The following GPC5 variants were observed in gnomAD, a reference collection of about 807,000 sequenced individuals.
GPC5 encodes the protein glypican-5.
Under a neutral mutation model 53.9 loss-of-function variants are expected in GPC5, and 47 were observed. The observed-to-expected ratio is 0.87, with a 90% confidence interval of 0.69 to 1.11. GPC5 has a LOEUF of 1.11. Among genes scored for constraint, GPC5 ranks in the 50% most tolerant of loss-of-function variants. The pLI is 0.00. For missense variants in GPC5, 748 were observed against 713.1 expected, an observed-to-expected ratio of 1.05 and a Z score of -0.56; for synonymous variants, 286 against 263.3, an observed-to-expected ratio of 1.09 and a Z score of -0.84.
chr13:92,120,639 A>G (rs1202739920), intron 6 of GPC5, among the ~76,000 whole-genome samples: 1 of 152,232 alleles, frequency 6.6e-6, no homozygotes, highest in Non-Finnish European at 1.5e-5. Context: ...TGATCTGTTT[A>G]GTATATCATT....
chr13:91,826,824 T>C (rs541837261), intron 5 of GPC5, among the ~76,000 whole-genome samples: 3 of 152,164 alleles, frequency 2.0e-5, no homozygotes, highest in Admixed American at 2.0e-4. Flanking sequence ...AGTGTTTGTG[T>C]GTGTATGTAT....
At chr13:91,520,517 A>G (rs184663684) in intron 2 of GPC5, among the ~76,000 whole-genome samples, 1 of 152,282 alleles carries the variant, frequency 6.6e-6, no homozygotes, top group East Asian at 1.9e-4. Context: ...TTCTGTCACT[A>G]TACTGCCTTC....
chr13:92,172,589 T>G (rs1422985962), intron 7 of GPC5, among the ~76,000 whole-genome samples: 1 of 152,210 alleles, frequency 6.6e-6, no homozygotes, highest in South Asian at 2.1e-4. Context: ...CAAGTGCTCA[T>G]AGTCACAATA....
chr13:91,450,113 C>G lies in GPC5; in HGVS notation c.325+1191C>G, dbSNP rs149848785. On this transcript the variant is annotated intron_variant, in intron 2 of 7. Transcript: ENST00000377067. Reference sequence around the variant, plus strand: ...ATAAAATTTAAGTTAAAGTGTAGTTCATGATGAATTAATGCTTTTTTGTAG... The same window carrying G: ...ATAAAATTTAAGTTAAAGTGTAGTTGATGATGAATTAATGCTTTTTTGTAG... Among the ~76,000 whole-genome samples, 364 of 152,170 alleles carry G rather than the reference C, an allele frequency of 2.4e-3. 1 individual carries two copies. Among genetic ancestry groups the G allele is most frequent in the African/African-American group, 8.5e-3 (353 of 41,546 alleles).
chr13:92,059,058 A>T (rs1671544201), intron 6 of GPC5, among the ~76,000 whole-genome samples: 1 of 152,164 alleles, frequency 6.6e-6, no homozygotes, highest in South Asian at 2.1e-4. Context: ...ATCTAAGAAG[A>T]CTTGACCATT....
At chr13:91,644,853 G>A (rs912208090) in intron 2 of GPC5, among the ~76,000 whole-genome samples, 1 of 152,204 alleles carries the variant, frequency 6.6e-6, no homozygotes, top group African/African-American at 2.4e-5. Flanking sequence ...GCACTGGAAT[G>A]AGTTTTGGCA....
intron 6 of GPC5, among the ~76,000 whole-genome samples, chr13:91,992,176 T>C (rs2040463012): frequency 6.6e-6 from 1 of 152,014 alleles, no homozygotes; most frequent in Non-Finnish European, 1.5e-5. Context: ...GGACTATAGG[T>C]GCACAACACT....
At chr13:92,183,515 T>C (rs959297491) in intron 7 of GPC5, among the ~76,000 whole-genome samples, 1 of 152,178 alleles carries the variant, frequency 6.6e-6, no homozygotes. Flanking sequence ...AATTCAATCC[T>C]GATTTAATTA....
intron 7 of GPC5, among the ~76,000 whole-genome samples, chr13:92,284,370 A>G (rs906569040): frequency 1.3e-5 from 2 of 152,290 alleles, no homozygotes; most frequent in Non-Finnish European, 2.9e-5. Flanking sequence ...AAAAGAGGGA[A>G]TCTTCCCTAA....
At chr13:91,545,107 T>A (rs935089627) in intron 2 of GPC5, among the ~76,000 whole-genome samples, 1 of 152,212 alleles carries the variant, frequency 6.6e-6, no homozygotes, top group Admixed American at 6.5e-5. Context: ...TTGCACACCA[T>A]CACTTCTGCT....
At chr13:91,782,055 A>G (rs1322898361) in intron 5 of GPC5, among the ~76,000 whole-genome samples, 2 of 152,170 alleles carry the variant, frequency 1.3e-5, no homozygotes, top group Non-Finnish European at 2.9e-5. Flanking sequence ...TAATTCACAG[A>G]CTGTAATTAT....
intron 2 of GPC5, among the ~76,000 whole-genome samples, chr13:91,462,429 G>C (rs937081009): frequency 1.3e-5 from 2 of 152,126 alleles, no homozygotes; most frequent in African/African-American, 4.8e-5. Context: ...GAGAGGTTTT[G>C]TGCATGATAG....
chr13:91,459,216 A>G (rs1415433356), intron 2 of GPC5, among the ~76,000 whole-genome samples: 2 of 152,082 alleles, frequency 1.3e-5, no homozygotes, highest in African/African-American at 2.4e-5. Context: ...TTGAAATTAA[A>G]AAAAAGAAAA....
chr13:91,838,500 AG>A (rs1404505818), intron 5 of GPC5, among the ~76,000 whole-genome samples: 1 of 152,032 alleles, frequency 6.6e-6, no homozygotes, highest in Non-Finnish European at 1.5e-5. Flanking sequence ...TACAGAGTGA[AG>A]GGAAGAGTTG....
intron 7 of GPC5, among the ~76,000 whole-genome samples, chr13:92,744,241 A>T (rs1425702897): frequency 6.6e-6 from 1 of 152,028 alleles, no homozygotes; most frequent in Non-Finnish European, 1.5e-5. Flanking sequence ...GGAAAAAAAA[A>T]ATATGTACAT....
chr13:91,983,790 C>T (rs1052196832), intron 6 of GPC5, among the ~76,000 whole-genome samples: 13 of 152,120 alleles, frequency 8.5e-5, no homozygotes, highest in Admixed American at 8.5e-4. Flanking sequence ...ATCTGAGGGG[C>T]TGCCATTTCA....
chr13:92,863,717 T>C (rs1166291182), intron 7 of GPC5, among the ~76,000 whole-genome samples: 1 of 152,164 alleles, frequency 6.6e-6, no homozygotes, highest in East Asian at 1.9e-4. Flanking sequence ...GGTCTTGTAC[T>C]CCCGACCTCA....
intron 5 of GPC5, among the ~76,000 whole-genome samples, chr13:91,850,586 C>G (rs1173447664): frequency 6.6e-6 from 1 of 152,082 alleles, no homozygotes; most frequent in Non-Finnish European, 1.5e-5. Context: ...CTCTAGATTA[C>G]AGTATGTCAT....
At chr13:91,572,122 C>CAT (rs1327828045) in intron 2 of GPC5, among the ~76,000 whole-genome samples, 1 of 119,052 alleles carries the variant, frequency 8.4e-6, no homozygotes, top group Non-Finnish European at 1.8e-5. Context: ...TGTATATATA[C>CAT]GTGTGTATAT....
Sources: allele counts gnomAD v4.1 joint callset (sites outside exome capture counted in the v4.1 genomes callset), GRCh38; gene constraint gnomAD v4.1.1; transcripts MANE v1.5; gene names NCBI Gene and HGNC (gene_info 2026-07-23, HGNC 2026-07-21).